The following PSD4 variants were observed in gnomAD, a reference collection of about 807,000 sequenced individuals.
PSD4 encodes the protein PH and SEC7 domain-containing protein 4.
Under a neutral mutation model 112.5 loss-of-function variants are expected in PSD4, and 59 were observed. That is an observed-to-expected ratio of 0.52 (90% confidence interval 0.43 to 0.65). The LOEUF (loss-of-function observed/expected upper bound fraction) is 0.65. Ranked by LOEUF, PSD4 falls within the 30% of genes least tolerant of loss-of-function variation. The pLI is 0.00. For synonymous variants in PSD4, 533 were observed against 540.0 expected (o/e 0.99, Z 0.18); for missense variants, 1,267 against 1,352.6 (o/e 0.94, Z 0.99).
intron 9 of PSD4, 96 bp downstream of exon 9, chr2:113,193,746 C>T: frequency 6.4e-7 from 1 of 1,557,796 alleles, no homozygotes; most frequent in African/African-American, 1.4e-5. Flanking sequence ...AGGGAACACC[C>T]CTGAGGGATG....
At chr2:113,189,500 A>G (rs1688394991) in intron 5 of PSD4, among the ~76,000 whole-genome samples, 1 of 152,156 alleles carries the variant, frequency 6.6e-6, no homozygotes. Context: ...TATTTTTCTT[A>G]TAATGACTTA....
chr2:113,193,900 C>A lies in PSD4; in HGVS notation c.2133C>A (p.Asn711Lys). 6.2e-7 allele frequency: 1 copy of A among 1,614,098 alleles called. No homozygotes were observed. The highest frequency in any genetic ancestry group is 8.5e-7 in the Non-Finnish European group (1 of 1,180,014). Residue 711 changes from asparagine to lysine, a missense_variant, in exon 10 of 17, where the codon AAC becomes AAA. Physicochemically the swap from Asn to Lys is moderately conservative, Grantham distance 94 (BLOSUM62 0). This residue lies in a region of PSD4 where 544 missense variants were observed against 648.6 expected (regional missense o/e 0.84). Transcript: ENST00000245796. ...TGAGCTGCCAGGAATTCATAACCAACCTGAATGGGCTGAGGGATGGCGGGA... is the reference window on the plus strand; with the variant it reads ...TGAGCTGCCAGGAATTCATAACCAAACTGAATGGGCTGAGGGATGGCGGGA... ...KSMSCQEFIT[N>K]LNGLRDGGNF... is the part of the protein sequence containing the mutation.
rs758014988 is a variant in PSD4, at chr2:113,195,737, G to T, written c.2192G>T (p.Trp731Leu). 2.8e-5 allele frequency: 45 copies of T among 1,614,170 alleles called. No individual in the cohort carries two copies. In the South Asian group the frequency reaches 4.9e-4, roughly 18 times the overall value. The part of the protein sequence containing the change: ...FPKELLKALY[W>L]SIRSEKLEWA... The stretch of plus-strand genomic sequence containing the variant: ...GTGCTTCTGTTCCAGGCCCTCTACT[G>T]GTCTATCCGCAGCGAGAAGCTCGAG... Residue 731 changes from tryptophan to leucine, a missense_variant, in exon 11 of 17, where the codon TGG (tryptophan) becomes TTG (leucine). Transcript: ENST00000245796.
In PSD4 at chr2:113,188,594, T is replaced by G. The variant is rs534250103; in HGVS notation, c.1628+2339T>G. Among the ~76,000 whole-genome samples the G allele has an allele frequency of 1.2e-4, 18 of 152,204 alleles. No homozygotes were observed. In the East Asian group the frequency reaches 3.5e-3, roughly 29 times the overall value. ...TTTTATTTTATTTTATTTATTTATT[T>G]TTTTGAGATGGAGTCTCACTCTGTG... On this transcript the variant is annotated intron_variant, in intron 5 of 16. Transcript: ENST00000245796.
chr2:113,198,712 C>T lies in PSD4; in HGVS notation c.2625-28C>T, dbSNP rs1265108574. ...GGTGACAGGACGGACTCTGTGTCCCCGGGGACCAACGACCTCCTTTGCCCC... is the reference window on the plus strand; with the variant it reads ...GGTGACAGGACGGACTCTGTGTCCCTGGGGACCAACGACCTCCTTTGCCCC... On this transcript the variant is annotated intron_variant, in intron 14 of 16. Coordinates refer to ENST00000245796, the MANE Select transcript of PSD4 (RefSeq NM_012455.3). The T allele has an allele frequency of 5.3e-6, 8 of 1,516,264 alleles. No individual in the cohort carries two copies. The Admixed American group carries it at 1.5e-4, about 29-fold the overall frequency. The allele number at this position is 1,516,264 out of a possible 1,614,324, so 93.9% of individuals were successfully genotyped here. A position where few individuals can be genotyped will look rare whatever the true frequency, so the allele number is the denominator to read the frequency against.
At chr2:113,195,596 G>T in intron 10 of PSD4, 131 bp from the exon 11 acceptor site, 2 of 823,632 alleles carry the variant, frequency 2.4e-6, no homozygotes, top group Non-Finnish European at 2.0e-6. Context: ...TACTCAAGGA[G>T]GAAGGGCACC....
At chr2:113,179,055 TGAG>T (rs1180116528) in intron 1 of PSD4, among the ~76,000 whole-genome samples, 1 of 152,184 alleles carries the variant, frequency 6.6e-6, no homozygotes, top group African/African-American at 2.4e-5. Flanking sequence ...GCTGGTGTCT[TGAG>T]GAGGCGCAGT....
At chr2:113,186,872 C>G (rs1286584134) in intron 5 of PSD4, among the ~76,000 whole-genome samples, 1 of 152,160 alleles carries the variant, frequency 6.6e-6, no homozygotes, top group Non-Finnish European at 1.5e-5. Context: ...AGAATGCTGC[C>G]TCAAGACTAT....
chr2:113,182,356 G>T lies in PSD4; in HGVS notation c.-101G>T. 1.7e-6 allele frequency: 2 copies of T among 1,176,170 alleles called. No individual in the cohort carries two copies. The highest frequency in any genetic ancestry group is 2.4e-6 in the Non-Finnish European group (2 of 830,620). The allele number at this position is 1,176,170 out of a possible 1,614,324, so 72.9% of individuals were successfully genotyped here. On this transcript the variant is annotated 5_prime_UTR_variant, in exon 2 of 17. Coordinates refer to ENST00000245796, the MANE Select transcript of PSD4 (RefSeq NM_012455.3). ...TTTGGGCATTTCCAGGGTAGATATGGATTCCCAGTTTCTCCAGCGGCCAGT... is the reference window on the plus strand; with the variant it reads ...TTTGGGCATTTCCAGGGTAGATATGTATTCCCAGTTTCTCCAGCGGCCAGT...
At position 113,186,021 on chromosome 2, in the gene PSD4, C is replaced by T. The variant is rs752432291; in HGVS notation, c.1394C>T (p.Ser465Phe). Residue 465 changes from serine (S) to phenylalanine (F), a missense_variant, in exon 5 of 17, where the codon TCC (serine) becomes TTC (phenylalanine). Ser to Phe is a radical substitution (Grantham distance 155). Coordinates refer to ENST00000245796, the MANE Select transcript of PSD4 (RefSeq NM_012455.3). ...GGTCCCAGGCCCAGCCCTGCATCGT[C>T]CCAGGAGGGCAGCCCGCAGCTTCAA... is the stretch of plus-strand genomic sequence containing the variant. ...GPGPRPSPASSQEGSPQLQHH... is the reference protein window; with the variant it reads ...GPGPRPSPASFQEGSPQLQHH... 51 of 1,614,242 alleles carry T rather than the reference C, an allele frequency of 3.2e-5. No homozygotes were observed. Among genetic ancestry groups the T allele is most frequent in the Non-Finnish European group, 4.1e-5 (48 of 1,180,028 alleles).
intron 1 of PSD4, among the ~76,000 whole-genome samples, chr2:113,175,644 T>C (rs1283045391): frequency 6.6e-6 from 1 of 152,096 alleles, no homozygotes; most frequent in Non-Finnish European, 1.5e-5. Flanking sequence ...GGGAAAACAT[T>C]TCCAGGGTAA....
chr2:113,190,760 C>T (rs1346818046), intron 5 of PSD4, among the ~76,000 whole-genome samples: 1 of 152,150 alleles, frequency 6.6e-6, no homozygotes, highest in East Asian at 1.9e-4. Context: ...CAGCCTGTTA[C>T]TGTTTTTAAT....
At chr2:113,189,235 T>G (rs1455908005) in intron 5 of PSD4, among the ~76,000 whole-genome samples, 9 of 151,936 alleles carry the variant, frequency 5.9e-5, no homozygotes, top group Admixed American at 5.9e-4. Flanking sequence ...TGAGTGCCAT[T>G]AATTCATTCC....
chr2:113,201,473 T>A lies in PSD4; in HGVS notation c.*58T>A. ...CTCCAGGGTAGACCTGAGATGAACC[T>A]CCCTGGAGGAGACTTATTTCAATGA... is the stretch of plus-strand genomic sequence containing the variant. On this transcript the variant is annotated 3_prime_UTR_variant, in exon 17 of 17. Transcript: ENST00000245796. 6.3e-7 allele frequency: 1 copy of A among 1,585,108 alleles called. No homozygotes were observed. Among genetic ancestry groups the A allele is most frequent in the Non-Finnish European group, 8.6e-7 (1 of 1,164,598 alleles).
rs546428381 is a variant in PSD4, at chr2:113,185,945, C to T, written c.1318C>T (p.Pro440Ser). The T allele has an allele frequency of 2.5e-6, 4 of 1,613,886 alleles. No homozygotes were observed. The African/African-American group carries it at 4.0e-5, about 16-fold the overall frequency. Residue 440 changes from proline (P) to serine (S), a missense_variant, in exon 5 of 17, where the codon CCA becomes TCA. Coordinates refer to ENST00000245796, the MANE Select transcript of PSD4 (RefSeq NM_012455.3). ...CTLAPCPWRS[P>S]ASSPEPSSPE... ...CTTGGCCCCCTGCCCCTGGAGGAGCCCAGCTTCTTCTCCAGAGCCTAGCAG... is the reference window on the plus strand; with the variant it reads ...CTTGGCCCCCTGCCCCTGGAGGAGCTCAGCTTCTTCTCCAGAGCCTAGCAG...
At chr2:113,181,405 C>T (rs1249668934) in intron 1 of PSD4, among the ~76,000 whole-genome samples, 1 of 152,146 alleles carries the variant, frequency 6.6e-6, no homozygotes, top group African/African-American at 2.4e-5. Flanking sequence ...AGCAGGGCTG[C>T]TCTGAGAGCC....
In PSD4 at chr2:113,201,620, A is replaced by G. The variant is rs148226863; in HGVS notation, c.*205A>G. ...TATTGCTGTGCTCCCCACCACCCCC[A>G]TGGCAGTCCCTCCGCAGCCCCAGTC... On this transcript the variant is annotated 3_prime_UTR_variant, in exon 17 of 17. Coordinates refer to ENST00000245796, the MANE Select transcript of PSD4 (RefSeq NM_012455.3). 433 of 692,552 alleles carry G rather than the reference A, an allele frequency of 6.3e-4. No homozygotes were observed. The African/African-American group carries it at 7.0e-3, about 11-fold the overall frequency. 42.9% of individuals were successfully genotyped at this position (692,552 alleles called of 1,614,324 possible).
intron 1 of PSD4, among the ~76,000 whole-genome samples, chr2:113,178,207 G>T (rs1207650910): frequency 6.6e-6 from 1 of 152,034 alleles, no homozygotes; most frequent in Non-Finnish European, 1.5e-5. Context: ...GACAGAGCAA[G>T]ATACCGTCTA....
chr2:113,183,034 T>C lies in PSD4; in HGVS notation c.578T>C (p.Val193Ala), dbSNP rs748180626. ...GLKCCLPTPPVDLPGDTGLHS... is the reference protein window; with the variant it reads ...GLKCCLPTPPADLPGDTGLHS... ...AAATGCTGTCTCCCCACGCCCCCTG[T>C]GGACCTCCCCGGGGACACGGGCCTG... The change falls in exon 2 of 17, where the codon GTG becomes GCG. Residue 193 changes from valine (V) to alanine (A), a missense_variant. By Grantham distance (64) the Val-to-Ala change is moderately conservative. Transcript: ENST00000245796. The C allele has an allele frequency of 6.2e-7, 1 of 1,613,866 alleles. No individual in the cohort carries two copies. Among genetic ancestry groups the C allele is most frequent in the Admixed American group, 1.7e-5 (1 of 60,014 alleles).
Sources: gnomAD v4.1 joint callset for allele counts (sites outside exome capture counted in the v4.1 genomes callset) on GRCh38, gnomAD v4.1.1 for gene constraint, gnomAD v4.1.1 regional missense constraint, MANE v1.5 for transcripts, NCBI Gene and HGNC (gene_info 2026-07-23, HGNC 2026-07-21) for gene names.